COL10A1: variants seen among roughly 807,000 people sequenced by gnomAD.
COL10A1 encodes the protein collagen type X alpha 1 chain, also known as collagen alpha-1(X) chain.
A neutral mutation model predicts 18.2 loss-of-function variants in COL10A1; 10 were observed. That is an observed-to-expected ratio of 0.55 (90% CI 0.34 to 0.93). The LOEUF is 0.93. Ranked by LOEUF, COL10A1 falls within the 40% of genes least tolerant of loss-of-function variation. COL10A1 has a pLI of 0.02. For missense variants in COL10A1, 897 were observed against 853.5 expected, an observed-to-expected ratio of 1.05 and a Z score of -0.64; for synonymous variants, 330 against 316.6, an observed-to-expected ratio of 1.04 and a Z score of -0.45.
At chr6:116,173,683 T>G in the COL10A1 span, among the ~76,000 whole-genome samples, 1 of 152,176 alleles carries the variant, frequency 6.6e-6, no homozygotes, top group Non-Finnish European at 1.5e-5. Context: ...ATTTATTTAT[T>G]TTTTTGGTTG....
chr6:116,206,858 G>C, the COL10A1 span, among the ~76,000 whole-genome samples: 1 of 151,748 alleles, frequency 6.6e-6, no homozygotes, highest in Non-Finnish European at 1.5e-5. Flanking sequence ...ATACACATAG[G>C]GCATTTAGTG....
At chr6:116,148,110 A>T (rs1246709526) in intron 1 of COL10A1, among the ~76,000 whole-genome samples, 1 of 152,216 alleles carries the variant, frequency 6.6e-6, no homozygotes, top group African/African-American at 2.4e-5. Context: ...TTTGTGTAAG[A>T]TACATAATTG....
chr6:116,174,380 AT>A, the COL10A1 span, among the ~76,000 whole-genome samples: 1 of 152,178 alleles, frequency 6.6e-6, no homozygotes, highest in Non-Finnish European at 1.5e-5. Context: ...GACCTTACTA[AT>A]AGGTCTGTTC....
At chr6:116,206,322 A>G in the COL10A1 span, among the ~76,000 whole-genome samples, 1 of 152,016 alleles carries the variant, frequency 6.6e-6, no homozygotes, top group African/African-American at 2.4e-5. Flanking sequence ...TGTTTCACAT[A>G]TATCATTGCA....
Position 116,156,879 on chromosome 6 carries a change from A to T in COL10A1, c.-16+1735T>A, listed in dbSNP as rs977655989. 2.0e-5 allele frequency among the ~76,000 whole-genome samples: 3 copies of T among 151,924 alleles called. No homozygotes were observed. The South Asian group carries it at 6.2e-4, about 32-fold the overall frequency. ...CCATTACATCACAACTCTTGCCACAACCCCTTTTGTTCTCCTCAGGAGCCC... is the reference window on the plus strand; with the variant it reads ...CCATTACATCACAACTCTTGCCACATCCCCTTTTGTTCTCCTCAGGAGCCC... On this transcript the variant is annotated intron_variant, in intron 1 of 1. Transcript: ENST00000418500.
chr6:116,156,873 G>A (rs1780207692), intron 1 of COL10A1, among the ~76,000 whole-genome samples: 2 of 152,112 alleles, frequency 1.3e-5, no homozygotes, highest in African/African-American at 4.8e-5. Context: ...CACAACTCTT[G>A]CCACAACCCC....
At chr6:116,201,361 T>C in the COL10A1 span, among the ~76,000 whole-genome samples, 1 of 152,048 alleles carries the variant, frequency 6.6e-6, no homozygotes, top group African/African-American at 2.4e-5. Flanking sequence ...TATTGCACTG[T>C]ATAAAGGTAT....
the COL10A1 span, among the ~76,000 whole-genome samples, chr6:116,182,691 G>T: frequency 3.3e-5 from 5 of 151,872 alleles, no homozygotes; most frequent in Non-Finnish European, 7.4e-5. Context: ...CTTCTTTTTA[G>T]AATTGTCTCT....
intron 1 of COL10A1, chr6:116,137,608 G>A (rs974750958): frequency 4.7e-6 from 1 of 213,804 alleles, no homozygotes; most frequent in Admixed American, 4.1e-5. Flanking sequence ...GGATCCCCGT[G>A]CCTCAGTAGT....
chr6:116,195,282 C>G, the COL10A1 span, among the ~76,000 whole-genome samples: 1 of 151,902 alleles, frequency 6.6e-6, no homozygotes, highest in Non-Finnish European at 1.5e-5. Flanking sequence ...TATTTTATAT[C>G]ACAATTTCGC....
the COL10A1 span, among the ~76,000 whole-genome samples, chr6:116,192,065 G>T: frequency 5.8e-3 from 889 of 152,098 alleles, 4 homozygotes; most frequent in African/African-American, 0.02. Context: ...GTGAAACTTG[G>T]TAATCATTAA....
chr6:116,121,516 A>C lies in COL10A1; in HGVS notation c.600T>G (p.Gly200=). ...CCTGAGGGCCTGGAAGACCCCTCTCACCTGGACGACCAGGAGCACCATATC... is the reference window on the plus strand; with the variant it reads ...CCTGAGGGCCTGGAAGACCCCTCTCCCCTGGACGACCAGGAGCACCATATC... ...EMGYGAPGRP[G]ERGLPGPQGP... The change falls in exon 3 of 3, where the codon GGT becomes GGG. Residue 200 remains glycine (G), a synonymous_variant. Transcript: ENST00000651968. The C allele has an allele frequency of 6.2e-7, 1 of 1,613,892 alleles. No individual in the cohort carries two copies. The highest frequency in any genetic ancestry group is 1.3e-5 in the African/African-American group (1 of 74,936).
At chr6:116,178,052 AGTGTGTGTGTGTGT>A in the COL10A1 span, among the ~76,000 whole-genome samples, 29 of 136,316 alleles carry the variant, frequency 2.1e-4, no homozygotes, top group African/African-American at 5.5e-4. Context: ...CAAAGAGGAA[AGTGTGTGTGTGTGT>A]GTGTGTGTGT....
chr6:116,160,068 A>G (rs143289113), upstream of COL10A1, among the ~76,000 whole-genome samples: 32 of 152,326 alleles, frequency 2.1e-4, no homozygotes, highest in East Asian at 6.0e-3. Flanking sequence ...ATAGTGCTCA[A>G]TAAACATATA....
At chr6:116,154,027 T>G (rs1480989756) in intron 1 of COL10A1, among the ~76,000 whole-genome samples, 3 of 148,666 alleles carry the variant, frequency 2.0e-5, no homozygotes, top group Non-Finnish European at 3.0e-5. Context: ...AAGGGAAGAT[T>G]TCTTTTTTTT....
At chr6:116,172,710 G>T in the COL10A1 span, among the ~76,000 whole-genome samples, 1 of 152,064 alleles carries the variant, frequency 6.6e-6, no homozygotes, top group Admixed American at 6.6e-5. Context: ...CATAAGAAAA[G>T]ATTATTTCCT....
the COL10A1 span, among the ~76,000 whole-genome samples, chr6:116,200,000 G>GC: frequency 2.2e-4 from 20 of 90,948 alleles, 1 homozygote; most frequent in African/African-American, 6.1e-4. Flanking sequence ...TATGGAAAGT[G>GC]GGGGGGGAAG....
At chr6:116,172,302 A>ATAACCCCTTAG in the COL10A1 span, among the ~76,000 whole-genome samples, 1 of 148,246 alleles carries the variant, frequency 6.7e-6, no homozygotes, top group Non-Finnish European at 1.5e-5. Flanking sequence ...TCATTTTAGT[A>ATAACCCCTTAG]TAACCCCTTA....
intron 2 of COL10A1, among the ~76,000 whole-genome samples, chr6:116,124,960 G>A (rs1779248929): frequency 6.6e-6 from 1 of 152,092 alleles, no homozygotes; most frequent in Admixed American, 6.6e-5. Flanking sequence ...AAATAAACCA[G>A]CTACCTTCTT....
Sources: gnomAD v4.1 joint callset for allele counts (sites outside exome capture counted in the v4.1 genomes callset) on GRCh38, gnomAD v4.1.1 for gene constraint, MANE v1.5 for transcripts, NCBI Gene and HGNC (gene_info 2026-07-23, HGNC 2026-07-21) for gene names.